GALNT14: variants seen among roughly 807,000 people sequenced by gnomAD.
GALNT14 encodes UDP-GalNAc:polypeptide N-acetylgalactosaminyltransferase 14.
In GALNT14, 60 loss-of-function variants were observed where a neutral mutation model predicts 77.5. The ratio of observed to expected loss-of-function variants is 0.77; its 90% CI spans 0.63 to 0.96. The LOEUF is 0.96. Ranked by LOEUF, GALNT14 falls within the 40% of genes least tolerant of loss-of-function variation. The pLI, the probability that GALNT14 is intolerant of heterozygous loss-of-function variation, is 0.00. For synonymous variants in GALNT14, 280 were observed against 281.7 expected (o/e 0.99, Z 0.06); for missense variants, 710 against 731.0 (o/e 0.97, Z 0.33).
chr2:30,917,231 A>G (rs910568546), intron 13 of GALNT14, among the ~76,000 whole-genome samples: 6 of 152,124 alleles, frequency 3.9e-5, no homozygotes, highest in African/African-American at 7.2e-5. Context: ...CTCCCCACTC[A>G]GCGGACCTCT....
chr2:31,062,120 T>C lies in GALNT14; in HGVS notation c.130-69113A>G, dbSNP rs1309552722. ...TGCAAGTTTGTTACATAGGTATACATGTGCCATGGTGGTTTGCTGCACCTA... is the reference window on the plus strand; with the variant it reads ...TGCAAGTTTGTTACATAGGTATACACGTGCCATGGTGGTTTGCTGCACCTA... On this transcript the variant is annotated intron_variant, in intron 1 of 14. Coordinates refer to ENST00000349752, the MANE Select transcript of GALNT14 (RefSeq NM_024572.4). Among the ~76,000 whole-genome samples the C allele has an allele frequency of 2.0e-5, 3 of 152,236 alleles. No homozygotes were observed. The East Asian group carries it at 5.8e-4, about 29-fold the overall frequency.
At chr2:31,075,405 G>A (rs943778805) in intron 1 of GALNT14, among the ~76,000 whole-genome samples, 1 of 152,312 alleles carries the variant, frequency 6.6e-6, no homozygotes, top group African/African-American at 2.4e-5. Flanking sequence ...GCATCTTTGA[G>A]CCTCCACCCA....
chr2:31,033,033 C>G (rs540534568), intron 1 of GALNT14, among the ~76,000 whole-genome samples: 21 of 152,268 alleles, frequency 1.4e-4, no homozygotes, highest in African/African-American at 5.1e-4. Flanking sequence ...ACTGGGCACA[C>G]TCTGGCTGGC....
At chr2:30,890,946 C>A in the GALNT14 span, among the ~76,000 whole-genome samples, 1 of 152,132 alleles carries the variant, frequency 6.6e-6, no homozygotes, top group African/African-American at 2.4e-5. Flanking sequence ...GTCCATAAAG[C>A]CAGCCTGAGA....
chr2:31,124,396 G>A (rs187394307), intron 1 of GALNT14, among the ~76,000 whole-genome samples: 2 of 152,262 alleles, frequency 1.3e-5, no homozygotes, highest in East Asian at 3.9e-4. Context: ...GGATACATGG[G>A]GATAAACGTT....
intron 8 of GALNT14, among the ~76,000 whole-genome samples, chr2:30,944,408 C>T (rs1450612703): frequency 2.0e-5 from 3 of 152,232 alleles, no homozygotes; most frequent in Non-Finnish European, 2.9e-5. Flanking sequence ...AACAGGGCAG[C>T]TGTGCTTATG....
At chr2:31,120,502 C>G (rs1678353124) in intron 1 of GALNT14, among the ~76,000 whole-genome samples, 1 of 152,124 alleles carries the variant, frequency 6.6e-6, no homozygotes, top group Non-Finnish European at 1.5e-5. Context: ...TTGATTTTCT[C>G]TCTACAACTT....
At chr2:31,133,321 G>A (rs1257266973) in intron 1 of GALNT14, among the ~76,000 whole-genome samples, 4 of 152,160 alleles carry the variant, frequency 2.6e-5, no homozygotes, top group Non-Finnish European at 5.9e-5. Context: ...CACATACCAA[G>A]TATGAGTAGA....
intron 1 of GALNT14, among the ~76,000 whole-genome samples, chr2:31,086,416 TC>T (rs1676433231): frequency 6.6e-6 from 1 of 152,114 alleles, no homozygotes; most frequent in Non-Finnish European, 1.5e-5. Context: ...CCTAACCTTT[TC>T]CTTTCCCTCC....
At chr2:31,113,638 G>C (rs183782366) in intron 1 of GALNT14, among the ~76,000 whole-genome samples, 200 of 152,276 alleles carry the variant, frequency 1.3e-3, no homozygotes, top group Non-Finnish European at 1.9e-3. Flanking sequence ...CAAGGTATAG[G>C]AGCTGAGACT....
intron 1 of GALNT14, among the ~76,000 whole-genome samples, chr2:31,076,590 G>A (rs542950174): frequency 6.7e-6 from 1 of 150,228 alleles, no homozygotes; most frequent in Non-Finnish European, 1.5e-5. Flanking sequence ...CGCAAAAGGA[G>A]CACTAGATAG....
At chr2:31,114,036 C>G (rs1677972726) in intron 1 of GALNT14, among the ~76,000 whole-genome samples, 1 of 152,132 alleles carries the variant, frequency 6.6e-6, no homozygotes, top group South Asian at 2.1e-4. Flanking sequence ...ACAAAAGCAG[C>G]CTAAGCCTCT....
rs75347634 is a variant in GALNT14, at chr2:31,101,982, G to T, written c.129+35976C>A. 9.7e-3 allele frequency among the ~76,000 whole-genome samples: 1,478 copies of T among 152,118 alleles called. 23 individuals are homozygous for T. The highest frequency in any genetic ancestry group is 0.034 in the African/African-American group (1,399 of 41,504). ...GCTTCATGTGAAGAAGGACATGTTTGCTTCCCCTTCCCCCAAGATTGTAAG... is the reference window on the plus strand; with the variant it reads ...GCTTCATGTGAAGAAGGACATGTTTTCTTCCCCTTCCCCCAAGATTGTAAG... On this transcript the variant is annotated intron_variant, in intron 1 of 14. Coordinates refer to ENST00000349752, the MANE Select transcript of GALNT14 (RefSeq NM_024572.4).
At chr2:31,078,826 G>A (rs971190435) in intron 1 of GALNT14, 19 of 943,458 alleles carry the variant, frequency 2.0e-5, no homozygotes, top group Non-Finnish European at 2.3e-5. Flanking sequence ...GGCAAGGGGC[G>A]AGATATAGGC....
chr2:30,980,057 T>G (rs2148374695), intron 2 of GALNT14, among the ~76,000 whole-genome samples: 1 of 152,302 alleles, frequency 6.6e-6, no homozygotes, highest in South Asian at 2.1e-4. Flanking sequence ...TTCAGGCAAA[T>G]GGAATGTTCA....
At chr2:30,945,935 G>A in intron 6 of GALNT14, 65 bp from the exon 7 acceptor site, 2 of 1,369,670 alleles carry the variant, frequency 1.5e-6, no homozygotes, top group Non-Finnish European at 2.1e-6. Context: ...AGGGAGCTTG[G>A]GATGGCCTCG....
intron 13 of GALNT14, among the ~76,000 whole-genome samples, chr2:30,917,263 T>C (rs1664740653): frequency 6.6e-6 from 1 of 152,058 alleles, no homozygotes; most frequent in African/African-American, 2.4e-5. Flanking sequence ...CAGACATTTT[T>C]GGTTCTATGG....
At chr2:30,990,426 G>T (rs184172937) in intron 2 of GALNT14, among the ~76,000 whole-genome samples, 3 of 152,244 alleles carry the variant, frequency 2.0e-5, no homozygotes, top group Non-Finnish European at 4.4e-5. Context: ...AAGAGACATA[G>T]CTGATGACTC....
chr2:31,135,034 A>G (rs576667138), intron 1 of GALNT14, among the ~76,000 whole-genome samples: 1 of 152,352 alleles, frequency 6.6e-6, no homozygotes, highest in South Asian at 2.1e-4. Context: ...GGTGGCTGTT[A>G]TTTAACATGC....
Sources: allele counts gnomAD v4.1 joint callset (sites outside exome capture counted in the v4.1 genomes callset), GRCh38; gene constraint gnomAD v4.1.1; transcripts MANE v1.5; gene names NCBI Gene and HGNC (gene_info 2026-07-23, HGNC 2026-07-21).